AFF3: variants seen among roughly 807,000 people sequenced by gnomAD.
AFF3 encodes ALF transcription elongation factor 3, also known as AF4/FMR2 family member 3.
A neutral mutation model predicts 129.7 loss-of-function variants in AFF3; 32 were observed. That is an observed-to-expected ratio of 0.25 (90% confidence interval 0.19 to 0.33). The LOEUF is 0.33. Among genes scored for constraint, AFF3 ranks in the 10% least tolerant of loss-of-function variants. The pLI is 1.00. For missense variants in AFF3, 1,373 were observed against 1,592.0 expected (o/e 0.86, Z 2.34); for synonymous variants, 644 against 635.4 (o/e 1.01, Z -0.20).
intron 8 of AFF3, among the ~76,000 whole-genome samples, chr2:99,802,440 T>A (rs1356366768): frequency 6.6e-6 from 1 of 152,102 alleles, no homozygotes; most frequent in Non-Finnish European, 1.5e-5. Context: ...GTGGGAGGAC[T>A]GTTTGAGCCC....
At chr2:99,562,580 T>A (rs1040430839) in intron 20 of AFF3, among the ~76,000 whole-genome samples, 8 of 152,264 alleles carry the variant, frequency 5.3e-5, no homozygotes, top group African/African-American at 1.9e-4. Context: ...GAAGCATTTT[T>A]ACGATGGCTG....
chr2:99,890,360 T>A (rs1693456393), intron 7 of AFF3, among the ~76,000 whole-genome samples: 1 of 152,250 alleles, frequency 6.6e-6, no homozygotes, highest in South Asian at 2.1e-4. Context: ...TACATTCAAA[T>A]ACTTTGCTTC....
rs776229712 is a variant in AFF3 at position 99,594,296 on chromosome 2, G to C, written c.1372-7C>G. On this transcript the variant is annotated splice_region_variant and splice_polypyrimidine_tract_variant and intron_variant, in intron 14 of 24. Coordinates refer to ENST00000672756, the MANE Select transcript of AFF3 (RefSeq NM_001386135.1). ...TAGAGGATGCCGGTTCAGCCTGAAA[G>C]CAGAAAACCGGTGACAAACAAAACA... 13 of 1,590,876 alleles carry C rather than the reference G, an allele frequency of 8.2e-6. No individual in the cohort carries two copies. Among genetic ancestry groups the C allele is most frequent in the Non-Finnish European group, 1.1e-5 (13 of 1,164,974 alleles).
rs1318414695 is a variant in AFF3 at position 99,786,430 on chromosome 2, G to A, written c.922-34129C>T. On this transcript the variant is annotated intron_variant, in intron 8 of 24. Coordinates refer to ENST00000672756, the MANE Select transcript of AFF3 (RefSeq NM_001386135.1). ...AGATTAACACGGCCATAAAGCGAAA[G>A]GTAGAATATTGAATGTTCAGATAAA... Among the ~76,000 whole-genome samples the A allele has an allele frequency of 2.6e-5, 4 of 152,228 alleles. No homozygotes were observed. The East Asian group carries it at 7.7e-4, about 29-fold the overall frequency.
Position 99,547,365 on chromosome 2 carries a change from T to G in AFF3, c.*4109A>C, listed in dbSNP as rs1674109927. ...ACATGGATTAAAAACTGCAGATAAATTAAGTCACAATAATATCCTGTACAT... is the reference window on the plus strand; with the variant it reads ...ACATGGATTAAAAACTGCAGATAAAGTAAGTCACAATAATATCCTGTACAT... On this transcript the variant is annotated 3_prime_UTR_variant, in exon 25 of 25. Transcript: ENST00000672756. 1 of 219,066 alleles carries G rather than the reference T, an allele frequency of 4.6e-6. No individual in the cohort carries two copies. Among genetic ancestry groups the G allele is most frequent in the South Asian group, 1.8e-4 (1 of 5,414 alleles). 13.6% of individuals were successfully genotyped at this position (219,066 alleles called of 1,614,324 possible). A position where few individuals can be genotyped will look rare whatever the true frequency, so the allele number is the denominator to read the frequency against.
intron 7 of AFF3, among the ~76,000 whole-genome samples, chr2:99,862,635 T>C (rs957612402): frequency 1.3e-5 from 2 of 152,250 alleles, no homozygotes; most frequent in Non-Finnish European, 2.9e-5. Context: ...GCTTGTTCCT[T>C]TATGCTCTTC....
rs35573862 is a variant in AFF3 at position 99,896,620 on chromosome 2, C to CTTTTTTTTTTTTTTTT, written c.874-59112_874-59097dup. On this transcript the variant is annotated intron_variant, in intron 7 of 24. Transcript: ENST00000672756. The stretch of plus-strand genomic sequence containing the variant: ...GATCATTTACTTCCCTGTCAAAATG[C>CTTTTTTTTTTTTTTTT]TTTTTTTTTTTTTTTTTTTTTTTTT... 3.3e-4 allele frequency among the ~76,000 whole-genome samples: 12 copies of CTTTTTTTTTTTTTTTT among 36,078 alleles called. 3 individuals carry two copies. The highest frequency in any genetic ancestry group is 6.2e-4 in the Non-Finnish European group (12 of 19,350). The allele number at this position is 36,078 out of a possible 152,430, so 23.7% of individuals were successfully genotyped here.
At chr2:99,554,580 A>T (rs373646126) in intron 23 of AFF3, 46 bp from the exon 24 acceptor site, 2 of 1,608,836 alleles carry the variant, frequency 1.2e-6, no homozygotes, top group Non-Finnish European at 1.7e-6. Context: ...GGTCGGGAGC[A>T]AGCGAGGCAG....
At chr2:99,624,147 G>T (rs1363807145) in intron 13 of AFF3, among the ~76,000 whole-genome samples, 1 of 152,070 alleles carries the variant, frequency 6.6e-6, no homozygotes, top group African/African-American at 2.4e-5. Context: ...AGGTTCTGGG[G>T]ATTGTTGCCT....
intron 8 of AFF3, among the ~76,000 whole-genome samples, chr2:99,799,333 G>GAA (rs1685765691): frequency 1.3e-5 from 2 of 151,350 alleles, no homozygotes; most frequent in East Asian, 3.9e-4. Flanking sequence ...AGTGAAAAGA[G>GAA]AAAAAAAGAA....
chr2:99,989,090 A>T (rs1680118948), intron 7 of AFF3, among the ~76,000 whole-genome samples: 1 of 152,180 alleles, frequency 6.6e-6, no homozygotes, highest in South Asian at 2.1e-4. Flanking sequence ...AGCCAGGTGG[A>T]AGACTCTCCT....
intron 7 of AFF3, among the ~76,000 whole-genome samples, chr2:99,918,759 G>A (rs1695654628): frequency 1.3e-5 from 2 of 152,156 alleles, no homozygotes; most frequent in South Asian, 4.1e-4. Context: ...AGTAGAAGCA[G>A]CCTCTCCAAA....
intron 8 of AFF3, among the ~76,000 whole-genome samples, chr2:99,802,647 A>G (rs1345222684): frequency 6.6e-6 from 1 of 151,528 alleles, no homozygotes; most frequent in Non-Finnish European, 1.5e-5. Flanking sequence ...TGGCCAATAA[A>G]GTGAGACTCT....
chr2:100,064,314 A>G (rs546103586), intron 4 of AFF3, among the ~76,000 whole-genome samples: 47 of 152,208 alleles, frequency 3.1e-4, no homozygotes, highest in Non-Finnish European at 6.2e-4. Flanking sequence ...CATTCACTCA[A>G]TGAGAAAGAG....
At chr2:100,049,227 G>C (rs1394552112) in intron 4 of AFF3, among the ~76,000 whole-genome samples, 1 of 152,186 alleles carries the variant, frequency 6.6e-6, no homozygotes, top group African/African-American at 2.4e-5. Context: ...CCACCAAAGG[G>C]ATAGTGTGAC....
intron 8 of AFF3, among the ~76,000 whole-genome samples, chr2:99,790,516 G>A (rs928117239): frequency 4.6e-5 from 7 of 152,196 alleles, no homozygotes; most frequent in Non-Finnish European, 7.4e-5. Context: ...TTATGGAGGA[G>A]TTTGCTTTTA....
chr2:99,890,860 C>T (rs1446974082), intron 7 of AFF3, among the ~76,000 whole-genome samples: 1 of 152,104 alleles, frequency 6.6e-6, no homozygotes, highest in Non-Finnish European at 1.5e-5. Flanking sequence ...TCACTGGGGC[C>T]TGCCTTCCCC....
At position 99,593,582 on chromosome 2, in the gene AFF3, T is replaced by C; in HGVS notation, c.2079A>G (p.Ala693=). ...SEQEEYPLSK[A]QTVAASASSG... Reference sequence around the variant, plus strand: ...AGGAGGCAGAGGCAGCCACGGTCTGTGCTTTGGACAGAGGGTACTCCTCCT... The same window carrying C: ...AGGAGGCAGAGGCAGCCACGGTCTGCGCTTTGGACAGAGGGTACTCCTCCT... The change falls in exon 15 of 25, where the codon GCA becomes GCG. Residue 693 remains alanine, a synonymous_variant. Transcript: ENST00000672756. 6.2e-7 allele frequency: 1 copy of C among 1,613,064 alleles called. No individual in the cohort carries two copies. Among genetic ancestry groups the C allele is most frequent in the Non-Finnish European group, 8.5e-7 (1 of 1,179,848 alleles).
At chr2:99,905,706 G>A (rs1367597130) in intron 7 of AFF3, among the ~76,000 whole-genome samples, 2 of 152,178 alleles carry the variant, frequency 1.3e-5, no homozygotes, top group Non-Finnish European at 2.9e-5. Context: ...AGCCATGCTT[G>A]TTAAGGGCTG....
Sources: allele counts gnomAD v4.1 joint callset (sites outside exome capture counted in the v4.1 genomes callset), GRCh38; gene constraint gnomAD v4.1.1; transcripts MANE v1.5; gene names NCBI Gene and HGNC (gene_info 2026-07-23, HGNC 2026-07-21).